Variants in UNC5C observed in about 807,000 individuals in gnomAD.
The protein encoded by UNC5C is unc-5 netrin receptor C.
In UNC5C, 47 loss-of-function variants were observed where a neutral mutation model predicts 99.8. That is an observed-to-expected ratio of 0.47 (90% CI 0.37 to 0.60). UNC5C has a LOEUF of 0.60. Among genes scored for constraint, UNC5C ranks in the 20% least tolerant of loss-of-function variants. The pLI, the probability that UNC5C is intolerant of heterozygous loss-of-function variation, is 0.00. For missense variants in UNC5C, 1,062 were observed against 1,165.9 expected (o/e 0.91, Z 1.30); for synonymous variants, 487 against 452.2 (o/e 1.08, Z -0.98).
chr4:95,216,537 T>C (rs1579238960), intron 9 of UNC5C, among the ~76,000 whole-genome samples: 1 of 150,000 alleles, frequency 6.7e-6, no homozygotes, highest in Non-Finnish European at 1.5e-5. Flanking sequence ...TAATGATGCA[T>C]CATTTCCATT....
intron 2 of UNC5C, among the ~76,000 whole-genome samples, chr4:95,313,648 G>A (rs1742360364): frequency 6.6e-6 from 1 of 152,086 alleles, no homozygotes; most frequent in Admixed American, 6.6e-5. Flanking sequence ...ACTTCTGAGT[G>A]ACTACCACTT....
chr4:95,297,103 C>A (rs961532598), intron 3 of UNC5C, among the ~76,000 whole-genome samples: 6 of 152,132 alleles, frequency 3.9e-5, no homozygotes, highest in African/African-American at 1.4e-4. Flanking sequence ...GTCTGCTCAC[C>A]CCTTCAGCCT....
At chr4:95,386,918 T>C (rs960280652) in intron 1 of UNC5C, among the ~76,000 whole-genome samples, 1 of 152,184 alleles carries the variant, frequency 6.6e-6, no homozygotes, top group Non-Finnish European at 1.5e-5. Flanking sequence ...TAGAAACCTA[T>C]ACAAGATGCC....
At chr4:95,438,364 G>A (rs1455758687) in intron 1 of UNC5C, among the ~76,000 whole-genome samples, 1 of 152,008 alleles carries the variant, frequency 6.6e-6, no homozygotes, top group African/African-American at 2.4e-5. Context: ...GAATTCTGGT[G>A]GCTCTGGAGC....
chr4:95,493,039 C>T (rs986068469), intron 1 of UNC5C, among the ~76,000 whole-genome samples: 2 of 151,322 alleles, frequency 1.3e-5, no homozygotes, highest in African/African-American at 4.8e-5. Context: ...GATTATATGT[C>T]GGGATTCATG....
chr4:95,378,395 G>GT (rs35802370), intron 1 of UNC5C, among the ~76,000 whole-genome samples: 72,897 of 151,924 alleles, frequency 0.48, 18,342 homozygotes, highest in East Asian at 0.78. Context: ...GAAAGCCTAC[G>GT]TAACTATCAT....
chr4:95,351,975 C>T (rs1480905303), intron 1 of UNC5C, among the ~76,000 whole-genome samples: 4 of 152,098 alleles, frequency 2.6e-5, no homozygotes, highest in Non-Finnish European at 4.4e-5. Flanking sequence ...TGTCCTATGT[C>T]TTCGACCTTT....
At chr4:95,325,782 T>C (rs778255055) in intron 2 of UNC5C, among the ~76,000 whole-genome samples, 1 of 152,154 alleles carries the variant, frequency 6.6e-6, no homozygotes, top group Non-Finnish European at 1.5e-5. Flanking sequence ...CACTAGCTTA[T>C]GTTATTATGT....
chr4:95,239,155 G>T (rs1739235545), intron 7 of UNC5C, among the ~76,000 whole-genome samples: 1 of 152,098 alleles, frequency 6.6e-6, no homozygotes, highest in African/African-American at 2.4e-5. Context: ...TTAGACTAAT[G>T]AACTTAGTTA....
At chr4:95,245,190 G>A (rs1475010765) in intron 5 of UNC5C, 46 bp from the exon 6 acceptor site, 21 of 1,559,224 alleles carry the variant, frequency 1.3e-5, no homozygotes, top group Non-Finnish European at 1.8e-5. Flanking sequence ...ATGTGTGCAT[G>A]CACAACACAC....
At chr4:95,184,162 A>G (rs1484119628) in intron 13 of UNC5C, among the ~76,000 whole-genome samples, 1 of 152,226 alleles carries the variant, frequency 6.6e-6, no homozygotes, top group Non-Finnish European at 1.5e-5. Flanking sequence ...TGAGCTGTGC[A>G]TAGAGAGTCT....
intron 1 of UNC5C, among the ~76,000 whole-genome samples, chr4:95,485,770 G>C (rs1192210358): frequency 6.6e-6 from 1 of 151,678 alleles, no homozygotes; most frequent in East Asian, 2.0e-4. Context: ...ATTAGATCCA[G>C]CTATAGTTTT....
At chr4:95,460,285 T>G (rs151112958) in intron 1 of UNC5C, among the ~76,000 whole-genome samples, 1 of 145,872 alleles carries the variant, frequency 6.9e-6, no homozygotes, top group Non-Finnish European at 1.5e-5. Flanking sequence ...TTCATAATAC[T>G]AAATTTTAAA....
chr4:95,376,584 A>C (rs902405819), intron 1 of UNC5C, among the ~76,000 whole-genome samples: 3 of 152,208 alleles, frequency 2.0e-5, no homozygotes, highest in Admixed American at 6.5e-5. Context: ...GAAATGTTCA[A>C]GTGATCCTAT....
rs1737738990 is a variant in UNC5C at position 95,202,922 on chromosome 4, A to G, written c.1945T>C (p.Tyr649His). The change falls in exon 12 of 16, where the codon TAC (tyrosine) becomes CAC (histidine). Residue 649 changes from tyrosine (Y) to histidine (H), a missense_variant. Transcript: ENST00000453304. ...CAGGCCTCTGCATCCAGCTGAATGT[A>G]GCAGGGGGTGGTGAAGTTTTCCTCC... Reference protein sequence around the residue: ...VGEENFTTPCYIQLDAEACHI... With the variant: ...VGEENFTTPCHIQLDAEACHI... The G allele has an allele frequency of 3.1e-6, 5 of 1,614,086 alleles. No individual in the cohort carries two copies. The highest frequency in any genetic ancestry group is 3.3e-5 in the Admixed American group (2 of 60,008).
At chr4:95,317,264 T>A (rs970350970) in intron 2 of UNC5C, among the ~76,000 whole-genome samples, 6 of 152,166 alleles carry the variant, frequency 3.9e-5, no homozygotes, top group African/African-American at 1.2e-4. Flanking sequence ...TGAATCTCAA[T>A]GTGCAGGAAA....
At chr4:95,344,872 A>G (rs7668316) in intron 1 of UNC5C, among the ~76,000 whole-genome samples, 60,801 of 151,748 alleles carry the variant, frequency 0.4, 13,842 homozygotes, top group East Asian at 0.84. Context: ...AGAAATTTAA[A>G]AATGCCAACT....
At chr4:95,398,749 T>G (rs906549126) in intron 1 of UNC5C, among the ~76,000 whole-genome samples, 1 of 152,214 alleles carries the variant, frequency 6.6e-6, no homozygotes, top group Non-Finnish European at 1.5e-5. Flanking sequence ...AGGTTTAGTC[T>G]GTGCCTTCTC....
intron 1 of UNC5C, among the ~76,000 whole-genome samples, chr4:95,343,289 A>T (rs1226326443): frequency 6.6e-6 from 1 of 152,100 alleles, no homozygotes; most frequent in Non-Finnish European, 1.5e-5. Flanking sequence ...ACCCCTCTTC[A>T]AGCTCTAGGC....
Sources: allele counts gnomAD v4.1 joint callset (sites outside exome capture counted in the v4.1 genomes callset), GRCh38; gene constraint gnomAD v4.1.1; transcripts MANE v1.5; gene names NCBI Gene and HGNC (gene_info 2026-07-23, HGNC 2026-07-21).